The following CSMD2 variants were observed in gnomAD, a reference collection of about 807,000 sequenced individuals.
CSMD2 encodes the protein CUB and sushi domain-containing protein 2.
In CSMD2, 130 loss-of-function variants were observed where a neutral mutation model predicts 398.5. The observed-to-expected ratio is 0.33, with a 90% CI of 0.28 to 0.38. CSMD2 has a LOEUF of 0.38. CSMD2 is among the 10% of genes least tolerant of loss of function. The probability of loss-of-function intolerance (pLI) is 1.00; values close to 1 mark genes in which losing one functional copy is unlikely to be tolerated. For synonymous variants in CSMD2, 1,828 were observed against 1,908.5 expected, an observed-to-expected ratio of 0.96 and a Z score of 1.10; for missense variants, 3,829 against 4,764.9, an observed-to-expected ratio of 0.80 and a Z score of 5.78.
intron 5 of CSMD2, among the ~76,000 whole-genome samples, chr1:33,886,734 A>G (rs1373225569): frequency 6.6e-6 from 1 of 152,236 alleles, no homozygotes; most frequent in Non-Finnish European, 1.5e-5. Flanking sequence ...CCCTTGGCAG[A>G]CAGGCCTCGG....
intron 5 of CSMD2, chr1:33,870,592 G>A (rs953982373): frequency 6.6e-5 from 10 of 152,170 alleles, no homozygotes; most frequent in African/African-American, 1.9e-4. Context: ...CCCCTTCAAC[G>A]GTGAAATATT....
chr1:33,805,219 A>G (rs1656085717), intron 10 of CSMD2, among the ~76,000 whole-genome samples: 1 of 152,212 alleles, frequency 6.6e-6, no homozygotes, highest in South Asian at 2.1e-4. Flanking sequence ...GAAAATGGAG[A>G]TAAGGATTGT....
chr1:34,096,486 C>T (rs577409136), intron 1 of CSMD2, among the ~76,000 whole-genome samples: 2,251 of 148,100 alleles, frequency 0.015, 62 homozygotes, highest in African/African-American at 0.052. Flanking sequence ...TCTTTGCAGA[C>T]GACATGATTG....
At chr1:33,869,017 T>TA (rs1270761132) in intron 5 of CSMD2, 1 of 152,140 alleles carries the variant, frequency 6.6e-6, no homozygotes, top group Non-Finnish European at 1.5e-5. Flanking sequence ...CTTGGCATAT[T>TA]AGAGGGACAG....
rs1655881584 is a variant in CSMD2 at position 33,537,202 on chromosome 1, C to A, written c.9806-107G>T. On this transcript the variant is annotated intron_variant, in intron 61 of 70. Coordinates refer to ENST00000373381, the MANE Select transcript of CSMD2 (RefSeq NM_001281956.2). The surrounding 1 kb of genome is among the most constrained non-coding windows in gnomAD (Gnocchi z 4.6). ...AAAAGAAAATGCGGCCACATCCTGA[C>A]TTCCCTGCCCACTGAGATCCCCACC... The A allele has an allele frequency of 7.7e-7, 1 of 1,295,364 alleles. No individual in the cohort carries two copies. Among genetic ancestry groups the A allele is most frequent in the Non-Finnish European group, 1.1e-6 (1 of 905,398 alleles). 80.2% of individuals were successfully genotyped at this position (1,295,364 alleles called of 1,614,324 possible). A position where few individuals can be genotyped will look rare whatever the true frequency, so the allele number is the denominator to read the frequency against.
chr1:33,975,655 G>C lies in CSMD2; in HGVS notation c.518-39701C>G, dbSNP rs72665766. ...GAGATGATGCTACACAGGTGCCATC[G>C]AAAGGAACCACCAGGGGGGAGGGGA... On this transcript the variant is annotated intron_variant, in intron 3 of 70. Transcript: ENST00000373381. 7.4e-3 allele frequency among the ~76,000 whole-genome samples: 1,129 copies of C among 152,108 alleles called. 6 individuals carry two copies. Among genetic ancestry groups the C allele is most frequent in the Non-Finnish European group, 0.013 (852 of 67,988 alleles).
At chr1:33,812,062 G>A (rs918019012) in intron 9 of CSMD2, among the ~76,000 whole-genome samples, 3 of 152,174 alleles carry the variant, frequency 2.0e-5, no homozygotes, top group African/African-American at 4.8e-5. Flanking sequence ...TGGGAAGCAG[G>A]TTCTGCAGCT....
chr1:33,988,454 T>G (rs993958780), intron 3 of CSMD2, among the ~76,000 whole-genome samples: 2 of 152,228 alleles, frequency 1.3e-5, no homozygotes, highest in Admixed American at 1.3e-4. Flanking sequence ...TGCAGGTCTC[T>G]GCTCAAACGC....
chr1:34,032,070 A>G (rs1418761642), intron 3 of CSMD2, among the ~76,000 whole-genome samples: 5 of 152,176 alleles, frequency 3.3e-5, no homozygotes, highest in Non-Finnish European at 5.9e-5. Flanking sequence ...ATATTTAAAC[A>G]GACTGAGAGA....
intron 4 of CSMD2, among the ~76,000 whole-genome samples, chr1:33,930,744 C>CT (rs1644287528): frequency 6.6e-6 from 1 of 152,220 alleles, no homozygotes; most frequent in African/African-American, 2.4e-5. Context: ...GGGACCTCTG[C>CT]TTTTGAAAAC....
intron 5 of CSMD2, among the ~76,000 whole-genome samples, chr1:33,887,824 ATTACT>A: frequency 6.6e-6 from 1 of 152,320 alleles, no homozygotes; most frequent in East Asian, 1.9e-4. Context: ...ATAAAATTAC[ATTACT>A]TGCAGCTAAT....
intron 2 of CSMD2, among the ~76,000 whole-genome samples, chr1:34,050,871 CCCAGAGGCTAGCATATGCTATGCAAGT>C (rs1186845307): frequency 7.6e-4 from 115 of 151,952 alleles, no homozygotes; most frequent in Admixed American, 4.0e-3. Context: ...GCTATGCTAG[CCCAGAGGCTAGCATATGCTATGCAAGT>C]CCAGAGGCTA....
At chr1:33,916,537 C>T (rs887060495) in intron 5 of CSMD2, among the ~76,000 whole-genome samples, 2 of 152,144 alleles carry the variant, frequency 1.3e-5, no homozygotes, top group African/African-American at 2.4e-5. Context: ...ATGTCATCCT[C>T]CACAGAGCAG....
intron 3 of CSMD2, among the ~76,000 whole-genome samples, chr1:34,015,166 G>A (rs1570814162): frequency 6.6e-6 from 1 of 152,320 alleles, no homozygotes; most frequent in African/African-American, 2.4e-5. Context: ...CCAGGTGCAT[G>A]TACCCACATT....
chr1:34,125,399 T>C (rs1194924933), intron 1 of CSMD2, among the ~76,000 whole-genome samples: 1 of 151,996 alleles, frequency 6.6e-6, no homozygotes, highest in East Asian at 1.9e-4. Context: ...CCATCAGGCA[T>C]ATGGGGCTCC....
chr1:33,592,331 T>C lies in CSMD2; in HGVS notation c.6857-5163A>G, dbSNP rs1450657564. ...TTCAGGAGATGGGTCCAGGCAAAAG[T>C]AGAATCTCTTGGGTCCTATTTCAAC... On this transcript the variant is annotated intron_variant, in intron 44 of 70. Coordinates refer to ENST00000373381, the MANE Select transcript of CSMD2 (RefSeq NM_001281956.2). The C allele has an allele frequency of 7.0e-6, 5 of 713,696 alleles. No homozygotes were observed. The East Asian group carries it at 1.1e-4, about 15-fold the overall frequency. 44.2% of individuals were successfully genotyped at this position (713,696 alleles called of 1,614,324 possible).
At chr1:33,924,255 G>T (rs1644046930) in intron 4 of CSMD2, among the ~76,000 whole-genome samples, 1 of 151,786 alleles carries the variant, frequency 6.6e-6, no homozygotes. Context: ...GCCCAGGCTG[G>T]ACTTGAACTC....
chr1:33,550,133 C>T (rs745505802), intron 56 of CSMD2, 44 bp downstream of exon 56: 4 of 1,588,764 alleles, frequency 2.5e-6, no homozygotes, highest in Non-Finnish European at 2.6e-6. Flanking sequence ...TCCCATCAGT[C>T]AAGCATTCCA....
At chr1:33,735,855 A>T (rs1035840754) in intron 15 of CSMD2, among the ~76,000 whole-genome samples, 1 of 152,230 alleles carries the variant, frequency 6.6e-6, no homozygotes, top group African/African-American at 2.4e-5. Flanking sequence ...GGAAAAGACA[A>T]AGATGCTGAT....
Sources: allele counts gnomAD v4.1 joint callset (sites outside exome capture counted in the v4.1 genomes callset), GRCh38; gene constraint gnomAD v4.1.1; non-coding constraint Gnocchi (gnomAD v3.1); transcripts MANE v1.5; gene names NCBI Gene and HGNC (gene_info 2026-07-23, HGNC 2026-07-21).